RPS6KA2: variants seen among roughly 807,000 people sequenced by gnomAD.
The protein encoded by RPS6KA2 is ribosomal protein S6 kinase A2, also known as ribosomal protein S6 kinase alpha-2.
A neutral mutation model predicts 91.8 loss-of-function variants in RPS6KA2; 42 were observed. The observed-to-expected ratio is 0.46, with a 90% confidence interval of 0.36 to 0.59. The LOEUF is 0.59. RPS6KA2 is among the 20% of genes least tolerant of loss of function. The pLI, the probability that RPS6KA2 is intolerant of heterozygous loss-of-function variation, is 0.00. For synonymous variants in RPS6KA2, 414 were observed against 393.6 expected (o/e 1.05, Z -0.61); for missense variants, 798 against 978.5 (o/e 0.82, Z 2.46).
intron 1 of RPS6KA2, among the ~76,000 whole-genome samples, chr6:166,608,535 C>T (rs1425305499): frequency 2.6e-5 from 4 of 152,092 alleles, no homozygotes; most frequent in Admixed American, 2.0e-4. Flanking sequence ...GAGAGGGAGA[C>T]AAAATCAGAA....
At chr6:166,611,592 C>A (rs1279453364) in intron 1 of RPS6KA2, among the ~76,000 whole-genome samples, 2 of 152,252 alleles carry the variant, frequency 1.3e-5, no homozygotes, top group African/African-American at 4.8e-5. Context: ...CCAAATCAAA[C>A]TGGCTTAAAC....
At chr6:166,469,117 T>G (rs9364850) in intron 11 of RPS6KA2, among the ~76,000 whole-genome samples, 1 of 151,934 alleles carries the variant, frequency 6.6e-6, no homozygotes, top group African/African-American at 2.4e-5. Context: ...GAACTCCCTG[T>G]GTGGGGGACG....
exon 1 of RPS6KA2, chr6:166,862,365 A>T: frequency 1.4e-6 from 2 of 1,421,276 alleles, no homozygotes; most frequent in Non-Finnish European, 1.8e-6. Context: ...CGCCGGCCGG[A>T]GGAGGGACCC....
chr6:166,675,594 G>C (rs1021939293), intron 2 of RPS6KA2, among the ~76,000 whole-genome samples: 2 of 152,040 alleles, frequency 1.3e-5, no homozygotes, highest in Admixed American at 6.6e-5. Context: ...ACAACATGCA[G>C]GCTCCTTCCT....
At chr6:166,540,851 G>A (rs1268863734) in intron 1 of RPS6KA2, among the ~76,000 whole-genome samples, 1 of 152,210 alleles carries the variant, frequency 6.6e-6, no homozygotes, top group Non-Finnish European at 1.5e-5. Flanking sequence ...GCTGCTGGAG[G>A]TGGCTTCCTG....
chr6:166,854,431 G>T (rs2881194), intron 2 of RPS6KA2, among the ~76,000 whole-genome samples: 110,347 of 152,170 alleles, frequency 0.73, 45,511 homozygotes, highest in Non-Finnish European at 0.92. Context: ...GTACTCACAA[G>T]TTGGAGTGAT....
chr6:166,562,955 C>T (rs552316494), intron 1 of RPS6KA2, among the ~76,000 whole-genome samples: 2 of 152,258 alleles, frequency 1.3e-5, no homozygotes, highest in Non-Finnish European at 2.9e-5. Flanking sequence ...CAAGGACAGG[C>T]GCCCCGGCGG....
chr6:166,604,459 G>A (rs1208011120), intron 1 of RPS6KA2, among the ~76,000 whole-genome samples: 1 of 152,156 alleles, frequency 6.6e-6, no homozygotes, highest in African/African-American at 2.4e-5. Context: ...AGAGTGGTGC[G>A]TGCTTCCCCG....
chr6:166,702,207 C>T, intron 2 of RPS6KA2: 1 of 1,609,540 alleles, frequency 6.2e-7, no homozygotes, highest in Admixed American at 1.7e-5. Context: ...ATAATGGCTC[C>T]AACAAATTGG....
At chr6:166,537,319 A>G (rs903853876) in intron 2 of RPS6KA2, among the ~76,000 whole-genome samples, 6 of 152,254 alleles carry the variant, frequency 3.9e-5, no homozygotes, top group South Asian at 4.1e-4. Context: ...TTTTTTCTCT[A>G]CATTTCTAAT....
intron 1 of RPS6KA2, among the ~76,000 whole-genome samples, chr6:166,595,847 G>A (rs1004699202): frequency 1.8e-4 from 27 of 152,210 alleles, no homozygotes; most frequent in Admixed American, 1.7e-3. Context: ...ACCAATAAAG[G>A]AATGGGGTTC....
chr6:166,535,575 G>A lies in RPS6KA2; in HGVS notation c.216+3093C>T, dbSNP rs536557526. 3.9e-5 allele frequency among the ~76,000 whole-genome samples: 6 copies of A among 152,296 alleles called. No individual in the cohort carries two copies. The East Asian group carries it at 7.7e-4, about 20-fold the overall frequency. ...CCTATCCTACTCCTGGCACTTATGC[G>A]AATAGGGGAGCTCCAGGAGCAGGTG... On this transcript the variant is annotated intron_variant, in intron 2 of 20. Transcript: ENST00000265678.
chr6:166,839,109 T>G (rs1780393445), intron 2 of RPS6KA2, among the ~76,000 whole-genome samples: 1 of 152,182 alleles, frequency 6.6e-6, no homozygotes, highest in Non-Finnish European at 1.5e-5. Flanking sequence ...ACAACCAGTG[T>G]GTGTTGTTTT....
At chr6:166,659,685 G>T (rs1355641246) in intron 2 of RPS6KA2, among the ~76,000 whole-genome samples, 1 of 152,192 alleles carries the variant, frequency 6.6e-6, no homozygotes. Context: ...TATTTTTAGT[G>T]CTGCCACTGG....
At chr6:166,438,300 C>T (rs1025308305) in intron 14 of RPS6KA2, among the ~76,000 whole-genome samples, 72 of 152,200 alleles carry the variant, frequency 4.7e-4, no homozygotes, top group Admixed American at 3.5e-3. Flanking sequence ...AAATTACACA[C>T]ACAGTGTGAA....
intron 2 of RPS6KA2, among the ~76,000 whole-genome samples, chr6:166,659,737 G>A (rs956863806): frequency 3.9e-5 from 6 of 152,174 alleles, no homozygotes; most frequent in Non-Finnish European, 8.8e-5. Flanking sequence ...CGGCGTGGTG[G>A]CTTGACGTCC....
intron 2 of RPS6KA2, among the ~76,000 whole-genome samples, chr6:166,715,813 G>A (rs990601190): frequency 1.3e-4 from 20 of 152,108 alleles, no homozygotes; most frequent in Middle Eastern, 3.2e-3. Flanking sequence ...CGAGGCAGGC[G>A]GATCATCTGA....
intron 1 of RPS6KA2, among the ~76,000 whole-genome samples, chr6:166,588,681 T>A (rs183917927): frequency 2.0e-4 from 31 of 152,310 alleles, no homozygotes; most frequent in South Asian, 2.1e-4. Flanking sequence ...TGATCTCAAC[T>A]CCAGAATGTG....
chr6:166,630,123 G>A (rs1582964530), upstream of RPS6KA2, among the ~76,000 whole-genome samples: 4 of 152,336 alleles, frequency 2.6e-5, no homozygotes, highest in Middle Eastern at 0.014. Context: ...GGACAGACAA[G>A]AGGAGGCGGG....
Sources: gnomAD v4.1 joint callset for allele counts (sites outside exome capture counted in the v4.1 genomes callset) on GRCh38, gnomAD v4.1.1 for gene constraint, MANE v1.5 for transcripts, NCBI Gene and HGNC (gene_info 2026-07-23, HGNC 2026-07-21) for gene names.